Variants in ARFGAP3 observed in about 807,000 individuals in gnomAD.
The protein encoded by ARFGAP3 is ARF GTPase activating protein 3, also known as ADP-ribosylation factor GTPase-activating protein 3.
A neutral mutation model predicts 75.0 loss-of-function variants in ARFGAP3; 72 were observed. The ratio of observed to expected loss-of-function variants is 0.96; its 90% confidence interval spans 0.79 to 1.17. ARFGAP3 has a LOEUF of 1.17. Ranked by LOEUF, ARFGAP3 falls within the 50% of genes most tolerant of loss-of-function variation. The probability of loss-of-function intolerance (pLI) is 0.00; values close to 1 mark genes in which losing one functional copy is unlikely to be tolerated. For missense variants in ARFGAP3, 620 were observed against 626.6 expected (o/e 0.99, Z 0.11); for synonymous variants, 221 against 217.9 (o/e 1.01, Z -0.13).
At chr22:42,822,561 G>C in intron 8 of ARFGAP3, 152 bp from the exon 9 acceptor site, 2 of 915,746 alleles carry the variant, frequency 2.2e-6, no homozygotes, top group South Asian at 2.1e-5. Flanking sequence ...TGTGAAGTTA[G>C]TATTATTCCA....
chr22:42,831,240 T>A (rs1299379056), intron 6 of ARFGAP3, among the ~76,000 whole-genome samples: 2 of 132,656 alleles, frequency 1.5e-5, no homozygotes, highest in East Asian at 4.6e-4. Context: ...TGAGCCGAGA[T>A]CACACCATCG....
At chr22:42,822,884 A>G (rs1466154104) in intron 8 of ARFGAP3, among the ~76,000 whole-genome samples, 2 of 152,038 alleles carry the variant, frequency 1.3e-5, no homozygotes, top group Non-Finnish European at 2.9e-5. Flanking sequence ...ATCTCAGCTC[A>G]CTGCAACCTC....
At chr22:42,824,170 ATTTTTTTTT>A (rs57620930) in intron 7 of ARFGAP3, among the ~76,000 whole-genome samples, 1 of 59,844 alleles carries the variant, frequency 1.7e-5, no homozygotes, top group African/African-American at 7.3e-5. Context: ...ACATCTGGCT[ATTTTTTTTT>A]TTTTTTTTTT....
Position 42,826,179 on chromosome 22 carries a change from C to A in ARFGAP3, c.625+761G>T, listed in dbSNP as rs180673485. 4.8e-3 allele frequency among the ~76,000 whole-genome samples: 724 copies of A among 152,180 alleles called. 4 individuals are homozygous for A. The highest frequency in any genetic ancestry group is 0.017 in the African/African-American group (707 of 41,494). On this transcript the variant is annotated intron_variant, in intron 7 of 15. Transcript: ENST00000263245. ...AATGCAATGGAATATATAACAATTA[C>A]AAATTATAATTCCTTGATAATGAAA... is the stretch of plus-strand genomic sequence containing the variant.
At chr22:42,800,266 A>G (rs1924796540) in intron 14 of ARFGAP3, among the ~76,000 whole-genome samples, 1 of 152,222 alleles carries the variant, frequency 6.6e-6, no homozygotes, top group Admixed American at 6.5e-5. Flanking sequence ...GCAGTGGCTC[A>G]CGCCTGTAAT....
At position 42,852,826 on chromosome 22, in the gene ARFGAP3, G is replaced by A. The variant is rs946781583; in HGVS notation, c.69+4288C>T. Reference sequence around the variant, plus strand: ...GTTGCCCAGGCTGGAGTGCAGTGGCGTGACCTTGGTTCACTGCAACCTCTG... The same window carrying A: ...GTTGCCCAGGCTGGAGTGCAGTGGCATGACCTTGGTTCACTGCAACCTCTG... On this transcript the variant is annotated intron_variant, in intron 1 of 15. Coordinates refer to ENST00000263245, the MANE Select transcript of ARFGAP3 (RefSeq NM_014570.5). Among the ~76,000 whole-genome samples, 5 of 152,174 alleles carry A rather than the reference G, an allele frequency of 3.3e-5. No individual in the cohort carries two copies. In the East Asian group the frequency reaches 5.8e-4, roughly 18 times the overall value.
intron 3 of ARFGAP3, among the ~76,000 whole-genome samples, chr22:42,840,411 T>TTTTG (rs895556526): frequency 1.3e-5 from 2 of 151,986 alleles, no homozygotes; most frequent in East Asian, 1.9e-4. Flanking sequence ...ATTGAACTCT[T>TTTTG]TTTGTTTGTT....
chr22:42,824,938 T>G (rs973558928), intron 7 of ARFGAP3, among the ~76,000 whole-genome samples: 2 of 152,218 alleles, frequency 1.3e-5, no homozygotes, highest in Non-Finnish European at 2.9e-5. Context: ...TGAAAACATG[T>G]GATATTTGGT....
intron 14 of ARFGAP3, among the ~76,000 whole-genome samples, chr22:42,802,018 G>T (rs555118143): frequency 6.6e-6 from 1 of 152,298 alleles, no homozygotes; most frequent in Admixed American, 6.5e-5. Context: ...TGGGAACCAT[G>T]GTCCTGGAGG....
chr22:42,797,863 A>G, intron 15 of ARFGAP3: 1 of 524,112 alleles, frequency 1.9e-6, no homozygotes, highest in African/African-American at 2.1e-5. Flanking sequence ...TGGGATCAGG[A>G]GGCAGGGAGC....
intron 1 of ARFGAP3, chr22:42,853,483 A>C (rs1325447834): frequency 4.6e-6 from 1 of 219,212 alleles, no homozygotes. Flanking sequence ...GACCTCATCA[A>C]GGTGCCACCT....
chr22:42,841,089 C>G, intron 2 of ARFGAP3, 73 bp from the exon 3 acceptor site: 1 of 1,555,100 alleles, frequency 6.4e-7, no homozygotes, highest in Admixed American at 1.9e-5. Context: ...CTTTTGAGAA[C>G]AAGGTTTCCT....
intron 1 of ARFGAP3, chr22:42,853,777 T>C (rs1927382469): frequency 6.2e-6 from 1 of 161,650 alleles, no homozygotes; most frequent in South Asian, 1.7e-4. Flanking sequence ...AAAAGGACCA[T>C]TTTTTCCTTG....
chr22:42,821,217 C>T (rs1241775583), intron 9 of ARFGAP3, among the ~76,000 whole-genome samples: 1 of 152,168 alleles, frequency 6.6e-6, no homozygotes, highest in Non-Finnish European at 1.5e-5. Flanking sequence ...ATTATAAATA[C>T]TTTTTTCATT....
intron 2 of ARFGAP3, among the ~76,000 whole-genome samples, chr22:42,841,563 T>C (rs184796338): frequency 4.2e-4 from 64 of 152,290 alleles, no homozygotes; most frequent in African/African-American, 1.4e-3. Context: ...TTCTCTCCAC[T>C]GTAAGATCAA....
intron 3 of ARFGAP3, among the ~76,000 whole-genome samples, chr22:42,839,123 G>GAAAAAAAAAAAAAAAAA (rs59529328): frequency 7.8e-6 from 1 of 128,778 alleles, no homozygotes; most frequent in Non-Finnish European, 1.6e-5. Context: ...AAAAAAAAAA[G>GAAAAAAAAAAAAAAAAA]AAAAAAAAAA....
intron 12 of ARFGAP3, among the ~76,000 whole-genome samples, chr22:42,810,513 G>C (rs1337818953): frequency 2.6e-5 from 4 of 152,100 alleles, no homozygotes; most frequent in Admixed American, 1.3e-4. Context: ...CAATATTCCT[G>C]AAATAGTAGA....
intron 14 of ARFGAP3, among the ~76,000 whole-genome samples, chr22:42,806,460 GAT>G (rs1925127938): frequency 6.6e-6 from 1 of 152,250 alleles, no homozygotes; most frequent in Non-Finnish European, 1.5e-5. Context: ...CCTGAAGAGG[GAT>G]ATGGGAGACA....
chr22:42,857,045 C>A (rs1354659725), intron 1 of ARFGAP3, 69 bp downstream of exon 1: 3 of 1,436,280 alleles, frequency 2.1e-6, no homozygotes, highest in Non-Finnish European at 2.8e-6. Flanking sequence ...CGGGCACTGG[C>A]GCCCGCGGGG....
Sources: gnomAD v4.1 joint callset for allele counts (sites outside exome capture counted in the v4.1 genomes callset) on GRCh38, gnomAD v4.1.1 for gene constraint, MANE v1.5 for transcripts, NCBI Gene and HGNC (gene_info 2026-07-23, HGNC 2026-07-21) for gene names.